TMEM132D: variants seen among roughly 807,000 people sequenced by gnomAD.
TMEM132D encodes the protein mature OL transmembrane protein.
In TMEM132D, 21 loss-of-function variants were observed where a neutral mutation model predicts 62.3. The observed-to-expected ratio is 0.34, with a 90% CI of 0.24 to 0.49. The LOEUF (loss-of-function observed/expected upper bound fraction) is 0.49. Among genes scored for constraint, TMEM132D ranks in the 20% least tolerant of loss-of-function variants. TMEM132D has a pLI of 0.99. For missense variants in TMEM132D, 1,346 were observed against 1,402.8 expected, an observed-to-expected ratio of 0.96 and a Z score of 0.65; for synonymous variants, 621 against 575.6, an observed-to-expected ratio of 1.08 and a Z score of -1.13.
intron 2 of TMEM132D, among the ~76,000 whole-genome samples, chr12:129,576,216 G>A (rs939607750): frequency 2.0e-5 from 3 of 151,838 alleles, no homozygotes; most frequent in Non-Finnish European, 2.9e-5. Flanking sequence ...AATGCTGCCC[G>A]AAAAATTAAC....
chr12:129,868,801 C>G (rs1874150398), intron 1 of TMEM132D, among the ~76,000 whole-genome samples: 1 of 152,134 alleles, frequency 6.6e-6, no homozygotes, highest in South Asian at 2.1e-4. Flanking sequence ...CCACCCTGCC[C>G]CCAGGGTGTT....
At chr12:129,719,168 A>C (rs1325138719) in intron 1 of TMEM132D, among the ~76,000 whole-genome samples, 2 of 151,542 alleles carry the variant, frequency 1.3e-5, no homozygotes, top group Non-Finnish European at 2.9e-5. Flanking sequence ...GCTGAGTGGG[A>C]GAATCACTTG....
chr12:129,848,420 G>T (rs1475897461), intron 1 of TMEM132D, among the ~76,000 whole-genome samples: 2 of 152,142 alleles, frequency 1.3e-5, no homozygotes, highest in Non-Finnish European at 2.9e-5. Context: ...GAATGCTTCA[G>T]CTTGGTCTTA....
At chr12:129,576,587 T>C (rs1272798909) in intron 2 of TMEM132D, among the ~76,000 whole-genome samples, 1 of 130,990 alleles carries the variant, frequency 7.6e-6, no homozygotes, top group East Asian at 2.5e-4. Context: ...TACACAAATA[T>C]GTGGAATACA....
rs774300200 is a variant in TMEM132D at position 129,699,857 on chromosome 12, A to G, written c.921T>C (p.Phe307=). 15 of 1,614,074 alleles carry G rather than the reference A, an allele frequency of 9.3e-6. No individual in the cohort carries two copies. The highest frequency in any genetic ancestry group is 1.1e-5 in the Non-Finnish European group (13 of 1,180,042). ...TGGAATTTCTGGAGATGGAAACAGG[A>G]AAAGTCAGCACGTCTCCTTTCCTCA... The part of the protein sequence containing the change: ...KTVRKGDVLT[F]PVSISRNSTE... Residue 307 remains phenylalanine (F), a synonymous_variant, in exon 2 of 9, where the codon TTT becomes TTC. Transcript: ENST00000422113.
rs549266722 is a variant in TMEM132D, at chr12:129,478,242, T to C, written c.1115+52817A>G. On this transcript the variant is annotated intron_variant, in intron 3 of 8. Coordinates refer to ENST00000422113, the MANE Select transcript of TMEM132D (RefSeq NM_133448.3). ...GGTGAGTCAGTGAGTGAGTGGTGAGTGAATGTGAGGGCCTCAGAGATTACT... is the reference window on the plus strand; with the variant it reads ...GGTGAGTCAGTGAGTGAGTGGTGAGCGAATGTGAGGGCCTCAGAGATTACT... 2.1e-4 allele frequency among the ~76,000 whole-genome samples: 32 copies of C among 152,208 alleles called. No homozygotes were observed. In the South Asian group the frequency reaches 4.2e-3, roughly 20 times the overall value.
intron 1 of TMEM132D, among the ~76,000 whole-genome samples, chr12:129,873,953 G>T (rs1442795940): frequency 6.6e-6 from 1 of 152,114 alleles, no homozygotes; most frequent in Non-Finnish European, 1.5e-5. Context: ...TAAGTGACTT[G>T]TTTCCACCCA....
chr12:129,299,139 A>T (rs555487717), intron 4 of TMEM132D, among the ~76,000 whole-genome samples: 1 of 152,318 alleles, frequency 6.6e-6, no homozygotes, highest in East Asian at 1.9e-4. Flanking sequence ...GATTTAGTCA[A>T]CCAGAGCCAT....
At chr12:129,191,009 A>G (rs1878383164) in intron 5 of TMEM132D, among the ~76,000 whole-genome samples, 1 of 151,824 alleles carries the variant, frequency 6.6e-6, no homozygotes. Context: ...CCCTCCTTCC[A>G]GACCCGGCTC....
rs548118136 is a variant in TMEM132D, at chr12:129,537,863, T to C, written c.969-6658A>G. On this transcript the variant is annotated intron_variant, in intron 2 of 8. Coordinates refer to ENST00000422113, the MANE Select transcript of TMEM132D (RefSeq NM_133448.3). ...CAGTTTTCAGTAACTGGTGGATTAA[T>C]AGAACATTAAAATCCCTAGAAGCAA... Among the ~76,000 whole-genome samples, 30 of 152,288 alleles carry C rather than the reference T, an allele frequency of 2.0e-4. No individual in the cohort carries two copies. In the South Asian group the frequency reaches 5.6e-3, roughly 28 times the overall value.
At chr12:129,400,125 G>A (rs575105385) in intron 3 of TMEM132D, among the ~76,000 whole-genome samples, 1 of 152,164 alleles carries the variant, frequency 6.6e-6, no homozygotes, top group East Asian at 1.9e-4. Context: ...AAGGAATGAG[G>A]AGAGCCCTGA....
At position 129,513,818 on chromosome 12, in the gene TMEM132D, T is replaced by G. The variant is rs766209962; in HGVS notation, c.1115+17241A>C. On this transcript the variant is annotated intron_variant, in intron 3 of 8. Coordinates refer to ENST00000422113, the MANE Select transcript of TMEM132D (RefSeq NM_133448.3). ...CCAATTTTTATTTTTATTTATTTAT[T>G]TATTTATTTATTTATTTATTTATTT... Among the ~76,000 whole-genome samples, 246 of 115,056 alleles carry G rather than the reference T, an allele frequency of 2.1e-3. 2 individuals are homozygous for G. The highest frequency in any genetic ancestry group is 3.2e-3 in the Non-Finnish European group (175 of 54,324). 75.5% of individuals were successfully genotyped at this position (115,056 alleles called of 152,430 possible).
intron 1 of TMEM132D, among the ~76,000 whole-genome samples, chr12:129,848,377 T>C (rs1873430357): frequency 6.6e-6 from 1 of 152,174 alleles, no homozygotes; most frequent in Non-Finnish European, 1.5e-5. Flanking sequence ...TTTTTCTTCT[T>C]CGATAGATAA....
chr12:129,079,499 C>T (rs1003101968), intron 7 of TMEM132D, among the ~76,000 whole-genome samples: 1 of 152,188 alleles, frequency 6.6e-6, no homozygotes, highest in African/African-American at 2.4e-5. Flanking sequence ...CTTCTTCCTC[C>T]TCTCACCCTT....
chr12:129,406,607 G>A (rs1288086562), intron 3 of TMEM132D, among the ~76,000 whole-genome samples: 7 of 147,442 alleles, frequency 4.7e-5, no homozygotes, highest in African/African-American at 1.8e-4. Context: ...GCAACAGAGC[G>A]AGACTCCACC....
At chr12:129,419,301 C>T (rs1011293034) in intron 3 of TMEM132D, among the ~76,000 whole-genome samples, 5 of 152,168 alleles carry the variant, frequency 3.3e-5, no homozygotes, top group African/African-American at 7.2e-5. Context: ...GGTTCAGAAA[C>T]GGGAATGTGA....
At chr12:129,108,855 C>T (rs1437664521) in intron 5 of TMEM132D, among the ~76,000 whole-genome samples, 1 of 152,190 alleles carries the variant, frequency 6.6e-6, no homozygotes, top group East Asian at 1.9e-4. Flanking sequence ...CAATGCCTCG[C>T]TTCCGTAAGT....
intron 5 of TMEM132D, among the ~76,000 whole-genome samples, chr12:129,203,188 C>T (rs1162727878): frequency 1.3e-5 from 2 of 152,200 alleles, no homozygotes; most frequent in Admixed American, 6.5e-5. Flanking sequence ...TGAACTGTAA[C>T]TAACCCGGCT....
intron 8 of TMEM132D, among the ~76,000 whole-genome samples, chr12:129,077,940 GCACACAACA>G (rs1313229877): frequency 6.6e-6 from 1 of 151,966 alleles, no homozygotes; most frequent in Non-Finnish European, 1.5e-5. Flanking sequence ...ATATACATAT[GCACACAACA>G]CACAAAACAC....
Sources: gnomAD v4.1 joint callset for allele counts (sites outside exome capture counted in the v4.1 genomes callset) on GRCh38, gnomAD v4.1.1 for gene constraint, MANE v1.5 for transcripts, NCBI Gene and HGNC (gene_info 2026-07-23, HGNC 2026-07-21) for gene names.